The following IGF2BP2 variants were observed in gnomAD, a reference collection of about 807,000 sequenced individuals.
IGF2BP2 encodes the protein insulin-like growth factor 2 mRNA-binding protein 2.
IGF2BP2 carries 17 observed loss-of-function variants against 75.8 expected under a neutral mutation model. The observed-to-expected ratio is 0.22, with a 90% CI of 0.15 to 0.34. IGF2BP2 has a LOEUF of 0.34. IGF2BP2 is among the 10% of genes least tolerant of loss of function. The probability of loss-of-function intolerance (pLI) is 1.00; values close to 1 mark genes in which losing one functional copy is unlikely to be tolerated. For missense variants in IGF2BP2, 516 were observed against 772.4 expected (o/e 0.67, Z 3.93); for synonymous variants, 288 against 295.6 (o/e 0.97, Z 0.26).
intron 2 of IGF2BP2, chr3:185,814,049 CACTT>C (rs1740277980): frequency 6.6e-6 from 1 of 152,246 alleles, no homozygotes; most frequent in Non-Finnish European, 1.5e-5. Context: ...CCGTTGGAAT[CACTT>C]ACTATCTTCC....
chr3:185,654,428 G>A (rs566269514), intron 12 of IGF2BP2, among the ~76,000 whole-genome samples: 25 of 152,302 alleles, frequency 1.6e-4, no homozygotes, highest in African/African-American at 5.8e-4. Context: ...ATGGCTGTGT[G>A]GTTCCCAGCT....
intron 2 of IGF2BP2, among the ~76,000 whole-genome samples, chr3:185,794,229 G>C (rs1737032982): frequency 6.6e-6 from 1 of 151,762 alleles, no homozygotes; most frequent in African/African-American, 2.4e-5. Flanking sequence ...GCCTCCCAAA[G>C]TGCTAGGATT....
chr3:185,801,489 CAAAAAAA>C lies in IGF2BP2; in HGVS notation c.239+21657_239+21663del, dbSNP rs35823870. ...GGGCAACAAGAGCAAAACTCCATCT[CAAAAAAA>C]AAAAAAAAAAAAAAGTCAGGAAACA... is the stretch of plus-strand genomic sequence containing the variant. On this transcript the variant is annotated intron_variant, in intron 2 of 15. Coordinates refer to ENST00000382199, the MANE Select transcript of IGF2BP2 (RefSeq NM_006548.6). Among the ~76,000 whole-genome samples, 66 of 51,676 alleles carry C rather than the reference CAAAAAAA, an allele frequency of 1.3e-3. 2 individuals are homozygous for C. The South Asian group carries it at 0.038, about 30-fold the overall frequency. 33.9% of individuals were successfully genotyped at this position (51,676 alleles called of 152,430 possible). A position where few individuals can be genotyped will look rare whatever the true frequency, so the allele number is the denominator to read the frequency against.
intron 10 of IGF2BP2, among the ~76,000 whole-genome samples, chr3:185,665,476 G>A (rs1383120029): frequency 0.089 from 6,301 of 70,682 alleles, 1,189 homozygotes; most frequent in Middle Eastern, 0.13. Context: ...GAAGAAGAAG[G>A]AGAAGAAGGA....
chr3:185,733,526 G>A (rs768428555), intron 2 of IGF2BP2, among the ~76,000 whole-genome samples: 21 of 152,232 alleles, frequency 1.4e-4, no homozygotes, highest in Non-Finnish European at 2.8e-4. Context: ...GGAGGCCGAG[G>A]CAGGCGGATC....
chr3:185,705,847 A>C (rs998673730), intron 2 of IGF2BP2, among the ~76,000 whole-genome samples: 3 of 152,192 alleles, frequency 2.0e-5, no homozygotes, highest in Non-Finnish European at 4.4e-5. Flanking sequence ...CTTATGATCT[A>C]ATCAACTCTC....
At chr3:185,766,486 T>C (rs1025884264) in intron 2 of IGF2BP2, among the ~76,000 whole-genome samples, 1 of 152,144 alleles carries the variant, frequency 6.6e-6, no homozygotes, top group Non-Finnish European at 1.5e-5. Flanking sequence ...GTGAAAATTA[T>C]ACAAAATTCA....
At chr3:185,653,122 C>T (rs185954211) in intron 12 of IGF2BP2, among the ~76,000 whole-genome samples, 1 of 152,084 alleles carries the variant, frequency 6.6e-6, no homozygotes, top group African/African-American at 2.4e-5. Context: ...AGCCACTGCG[C>T]CCAGCTTCCT....
At chr3:185,729,583 T>C (rs1212960023) in intron 2 of IGF2BP2, 1 of 152,208 alleles carries the variant, frequency 6.6e-6, no homozygotes, top group Non-Finnish European at 1.5e-5. Flanking sequence ...TGACTCAATA[T>C]TTTCCAAATG....
At chr3:185,675,009 CTTTTTT>C (rs777364824) in intron 9 of IGF2BP2, 56 of 110,026 alleles carry the variant, frequency 5.1e-4, no homozygotes, top group African/African-American at 1.8e-3. Flanking sequence ...TCTTGCTTTT[CTTTTTT>C]TTTTTTTTTT....
intron 2 of IGF2BP2, among the ~76,000 whole-genome samples, chr3:185,731,246 CTTT>C (rs760172663): frequency 5.4e-5 from 7 of 129,234 alleles, no homozygotes; most frequent in Admixed American, 2.4e-4. Context: ...GCATCACTTT[CTTT>C]TTTTTTTTTT....
At chr3:185,668,502 G>GATATATAT (rs1222754072) in intron 10 of IGF2BP2, among the ~76,000 whole-genome samples, 3 of 126,812 alleles carry the variant, frequency 2.4e-5, no homozygotes, top group African/African-American at 6.3e-5. Context: ...GAGAGAGAGA[G>GATATATAT]AGAGAGATAT....
At chr3:185,743,647 G>C (rs1162410763) in intron 2 of IGF2BP2, among the ~76,000 whole-genome samples, 1 of 152,072 alleles carries the variant, frequency 6.6e-6, no homozygotes, top group Non-Finnish European at 1.5e-5. Flanking sequence ...TTCTGCACTT[G>C]GTCCAGCAAA....
At chr3:185,731,246 C>CTTTTTTTTTTTTTTTTTT (rs760172663) in intron 2 of IGF2BP2, among the ~76,000 whole-genome samples, 1 of 129,252 alleles carries the variant, frequency 7.7e-6, no homozygotes, top group African/African-American at 2.9e-5. Flanking sequence ...GCATCACTTT[C>CTTTTTTTTTTTTTTTTTT]TTTTTTTTTT....
rs547987663 is a variant in IGF2BP2, at chr3:185,708,011, G to A, written c.240-9664C>T. 6.6e-5 allele frequency among the ~76,000 whole-genome samples: 10 copies of A among 152,274 alleles called. No individual in the cohort carries two copies. The South Asian group carries it at 1.9e-3, about 28-fold the overall frequency. ...CCAAAACATTCTTCACAGCGTGTTT[G>A]GCATGAAGGTTTTCCCAAATCACCA... On this transcript the variant is annotated intron_variant, in intron 2 of 15. Coordinates refer to ENST00000382199, the MANE Select transcript of IGF2BP2 (RefSeq NM_006548.6).
At chr3:185,770,855 AT>A (rs2149747970) in intron 2 of IGF2BP2, among the ~76,000 whole-genome samples, 1 of 152,274 alleles carries the variant, frequency 6.6e-6, no homozygotes, top group East Asian at 1.9e-4. Flanking sequence ...GGCTGAAGTA[AT>A]CCTCCCACCT....
At position 185,689,541 on chromosome 3, in the gene IGF2BP2, G is replaced by A. The variant is rs992126737; in HGVS notation, c.491C>T (p.Ser164Leu). ...YIPDEEVSSP[S>L]PPQRAQRGDH... ...CCCACGCTGGGCTCGCTGAGGGGGC[G>A]AAGGGGAGCTCACCTCTTCATCCGG... The change falls in exon 6 of 16, where the codon TCG becomes TTG. Residue 164 changes from serine (S) to leucine (L), a missense_variant. Around this residue, in one of 3 missense-constraint regions of IGF2BP2, gnomAD observed 312 missense variants for 474.5 expected, o/e 0.66. Coordinates refer to ENST00000382199, the MANE Select transcript of IGF2BP2 (RefSeq NM_006548.6). 6.2e-6 allele frequency: 10 copies of A among 1,614,108 alleles called. No homozygotes were observed. The highest frequency in any genetic ancestry group is 1.3e-5 in the African/African-American group (1 of 74,950).
chr3:185,711,167 G>A (rs1724741661), intron 2 of IGF2BP2, among the ~76,000 whole-genome samples: 1 of 152,042 alleles, frequency 6.6e-6, no homozygotes, highest in Admixed American at 6.6e-5. Context: ...GGAAAATTAG[G>A]GCAGAGATAA....
chr3:185,693,371 TTAAA>T (rs1159608322), intron 4 of IGF2BP2: 2 of 152,276 alleles, frequency 1.3e-5, no homozygotes, highest in Non-Finnish European at 2.9e-5. Flanking sequence ...GCATTAATTC[TTAAA>T]TAATTGGATA....
Sources: allele counts gnomAD v4.1 joint callset (sites outside exome capture counted in the v4.1 genomes callset), GRCh38; gene constraint gnomAD v4.1.1; regional missense constraint gnomAD v4.1.1; transcripts MANE v1.5; gene names NCBI Gene and HGNC (gene_info 2026-07-23, HGNC 2026-07-21).